SMG1: variants seen among roughly 807,000 people sequenced by gnomAD.
SMG1 encodes serine/threonine-protein kinase SMG1.
SMG1 carries 22 observed loss-of-function variants against 419.9 expected under a neutral mutation model. The observed-to-expected ratio is 0.05, with a 90% CI of 0.04 to 0.07. The LOEUF is 0.07. Ranked by LOEUF, SMG1 falls within the 10% of genes least tolerant of loss-of-function variation. SMG1 has a pLI of 1.00. For synonymous variants in SMG1, 1,538 were observed against 1,553.5 expected, an observed-to-expected ratio of 0.99 and a Z score of 0.23; for missense variants, 3,185 against 4,342.0, an observed-to-expected ratio of 0.73 and a Z score of 7.49.
At chr16:18,861,793 A>C (rs1850703855) in intron 25 of SMG1, among the ~76,000 whole-genome samples, 2 of 151,924 alleles carry the variant, frequency 1.3e-5, no homozygotes, top group Admixed American at 1.3e-4. Context: ...AGAAAAACAA[A>C]CAAATAAACA....
chr16:18,849,192 G>T (rs1265094356), intron 36 of SMG1, 25 bp downstream of exon 36: 1 of 1,450,098 alleles, frequency 6.9e-7, no homozygotes, highest in Admixed American at 2.0e-5. Flanking sequence ...TATACTCAAA[G>T]TAGCAATATT....
At chr16:18,918,386 C>T (rs568502929) in intron 1 of SMG1, among the ~76,000 whole-genome samples, 17 of 152,316 alleles carry the variant, frequency 1.1e-4, no homozygotes, top group African/African-American at 4.1e-4. Context: ...CTCAGAAGTA[C>T]CCAATTTCTC....
intron 8 of SMG1, 132 bp downstream of exon 8, chr16:18,884,958 A>T (rs1339539523): frequency 1.5e-6 from 1 of 645,198 alleles, no homozygotes; most frequent in African/African-American, 1.8e-5. Flanking sequence ...AGTAATGTTC[A>T]TTTACAATAA....
At chr16:18,924,030 A>T (rs1384400543) in intron 1 of SMG1, among the ~76,000 whole-genome samples, 3 of 152,154 alleles carry the variant, frequency 2.0e-5, no homozygotes, top group Non-Finnish European at 2.9e-5. Flanking sequence ...TCTTTCCAAC[A>T]TCCTAACAAA....
At chr16:18,897,594 A>G (rs1425303836) in intron 1 of SMG1, among the ~76,000 whole-genome samples, 1 of 152,228 alleles carries the variant, frequency 6.6e-6, no homozygotes, top group Non-Finnish European at 1.5e-5. Flanking sequence ...GTGATATCAG[A>G]AAGTTGTAGT....
At chr16:18,844,574 A>ACACACACACACC (rs1460099489) in intron 39 of SMG1, among the ~76,000 whole-genome samples, 1 of 125,018 alleles carries the variant, frequency 8.0e-6, no homozygotes, top group African/African-American at 3.2e-5. Flanking sequence ...CTTCTCTCAC[A>ACACACACACACC]CACACACACG....
chr16:18,856,277 C>T (rs1195000785), intron 29 of SMG1: 4 of 152,146 alleles, frequency 2.6e-5, no homozygotes, highest in Admixed American at 2.6e-4. Flanking sequence ...ATCCGCCCAC[C>T]TCAGCCTCCT....
intron 39 of SMG1, 46 bp from the exon 40 acceptor site, chr16:18,842,500 ACT>A: frequency 1.9e-5 from 30 of 1,570,850 alleles, no homozygotes; most frequent in Non-Finnish European, 2.6e-5. Context: ...ACATTAGAAC[ACT>A]TATTTTCTTC....
At chr16:18,841,217 T>A (rs1360854314) in intron 41 of SMG1, among the ~76,000 whole-genome samples, 1 of 152,096 alleles carries the variant, frequency 6.6e-6, no homozygotes, top group South Asian at 2.1e-4. Context: ...CTGAGCAACA[T>A]GGCAAAATCC....
intron 1 of SMG1, among the ~76,000 whole-genome samples, chr16:18,919,473 A>C (rs1026257209): frequency 2.0e-5 from 3 of 151,708 alleles, no homozygotes; most frequent in African/African-American, 7.3e-5. Flanking sequence ...AAATACAAAA[A>C]ATTAGCCAGG....
rs2035815086 is a variant in SMG1 at position 18,871,415 on chromosome 16, A to C, written c.2251T>G (p.Leu751Val). The C allele has an allele frequency of 1.2e-6, 2 of 1,603,550 alleles. No homozygotes were observed. The highest frequency in any genetic ancestry group is 1.7e-6 in the Non-Finnish European group (2 of 1,177,484). The stretch of plus-strand genomic sequence containing the variant: ...TTATGGAAAGACGGAAGAGAGAATA[A>C]AGGTGCGTATGTTTCAGACTTCTTC... Reference protein sequence around the residue: ...LMKKSETYAPLFSLPSFHKFC... With the variant: ...LMKKSETYAPVFSLPSFHKFC... The change falls in exon 16 of 63, where the codon TTA becomes GTA. Residue 751 changes from leucine (L) to valine (V), a missense_variant. Coordinates refer to ENST00000446231, the MANE Select transcript of SMG1 (RefSeq NM_015092.5).
chr16:18,916,069 CAA>C (rs35871395), intron 1 of SMG1, among the ~76,000 whole-genome samples: 7 of 34,794 alleles, frequency 2.0e-4, no homozygotes, highest in African/African-American at 4.5e-4. Flanking sequence ...CACTTCGTCT[CAA>C]AAAAAAAAAA....
intron 59 of SMG1, 68 bp downstream of exon 59, chr16:18,815,372 A>AG (rs1269692364): frequency 7.6e-6 from 12 of 1,574,562 alleles, no homozygotes; most frequent in Non-Finnish European, 7.8e-6. Flanking sequence ...TTAAATCAAG[A>AG]GATAAACTTC....
Position 18,869,944 on chromosome 16 carries a change from T to G in SMG1, c.2543A>C (p.His848Pro). The G allele has an allele frequency of 6.5e-7, 1 of 1,531,628 alleles. No individual in the cohort carries two copies. The highest frequency in any genetic ancestry group is 8.9e-7 in the Non-Finnish European group (1 of 1,128,980). The allele number at this position is 1,531,628 out of a possible 1,614,324, so 94.9% of individuals were successfully genotyped here. ...IQEISLALRS[H>P]MSKAPSNTFH... The stretch of plus-strand genomic sequence containing the variant: ...TGTATTACTTGGTGCTTTACTCATG[T>G]GACTTCTTAATGCTAAAGAAATTTC... Residue 848 changes from histidine to proline, a missense_variant, in exon 19 of 63, where the codon CAC (histidine) becomes CCC (proline). Physicochemically the swap from His to Pro is moderately conservative, Grantham distance 77. This residue lies in a region of SMG1 where 297 missense variants were observed against 491.0 expected (regional missense o/e 0.60). Transcript: ENST00000446231.
At chr16:18,898,174 C>T (rs2037209357) in intron 1 of SMG1, among the ~76,000 whole-genome samples, 1 of 152,170 alleles carries the variant, frequency 6.6e-6, no homozygotes. Flanking sequence ...CCTTGATCTG[C>T]ACTTACTGCA....
chr16:18,910,062 T>C (rs1444654402), intron 1 of SMG1, among the ~76,000 whole-genome samples: 7 of 151,978 alleles, frequency 4.6e-5, no homozygotes, highest in Non-Finnish European at 1.0e-4. Flanking sequence ...TCATTTATTA[T>C]AGATTTACAG....
chr16:18,855,247 G>A (rs2034832655), intron 29 of SMG1, among the ~76,000 whole-genome samples: 1 of 152,144 alleles, frequency 6.6e-6, no homozygotes, highest in Admixed American at 6.5e-5. Flanking sequence ...AGTACTCTCT[G>A]CCCTTCCACC....
intron 6 of SMG1, among the ~76,000 whole-genome samples, chr16:18,888,613 G>A (rs879345172): frequency 1.4e-4 from 21 of 151,478 alleles, no homozygotes; most frequent in Admixed American, 7.9e-4. Flanking sequence ...GACTACAGGC[G>A]CGTGCCACCA....
intron 39 of SMG1, 46 bp from the exon 40 acceptor site, chr16:18,842,500 A>T: frequency 1.9e-6 from 3 of 1,570,850 alleles, no homozygotes; most frequent in Non-Finnish European, 2.6e-6. Context: ...ACATTAGAAC[A>T]CTTATTTTCT....
Sources: allele counts gnomAD v4.1 joint callset (sites outside exome capture counted in the v4.1 genomes callset), GRCh38; gene constraint gnomAD v4.1.1; regional missense constraint gnomAD v4.1.1; transcripts MANE v1.5; gene names NCBI Gene and HGNC (gene_info 2026-07-23, HGNC 2026-07-21).